FOXP2: variants seen among roughly 807,000 people sequenced by gnomAD.
The protein encoded by FOXP2 is forkhead box P2.
Under a neutral mutation model 115.8 loss-of-function variants are expected in FOXP2, and 12 were observed. The ratio of observed to expected loss-of-function variants is 0.10; its 90% confidence interval spans 0.07 to 0.17. The LOEUF (loss-of-function observed/expected upper bound fraction) is 0.17. Ranked by LOEUF, FOXP2 falls within the 10% of genes least tolerant of loss-of-function variation. The pLI is 1.00. For missense variants in FOXP2, 629 were observed against 843.5 expected (o/e 0.75, Z 3.15); for synonymous variants, 328 against 297.7 (o/e 1.10, Z -1.05).
chr7:114,357,523 C>T (rs1791644981), intron 2 of FOXP2, among the ~76,000 whole-genome samples: 1 of 152,106 alleles, frequency 6.6e-6, no homozygotes, highest in Non-Finnish European at 1.5e-5. Flanking sequence ...AAGGCTGTCT[C>T]CCTTTGGTGG....
At chr7:114,407,811 T>C (rs564782759) in intron 2 of FOXP2, among the ~76,000 whole-genome samples, 126 of 152,250 alleles carry the variant, frequency 8.3e-4, no homozygotes, top group African/African-American at 2.8e-3. Flanking sequence ...CTTCAGGACA[T>C]GATTGTTAAG....
At chr7:114,509,790 A>G (rs1797985225) in intron 2 of FOXP2, among the ~76,000 whole-genome samples, 1 of 152,028 alleles carries the variant, frequency 6.6e-6, no homozygotes, top group African/African-American at 2.4e-5. Flanking sequence ...CATGGGAGAC[A>G]TGGGAACTGT....
chr7:114,626,106 G>C (rs1804565504), intron 3 of FOXP2, among the ~76,000 whole-genome samples: 1 of 151,736 alleles, frequency 6.6e-6, no homozygotes, highest in African/African-American at 2.4e-5. Context: ...CTTAAGAAGA[G>C]AATGATTTCA....
At position 114,690,109 on chromosome 7, in the gene FOXP2, GT is replaced by G; in HGVS notation, c.*187del. The G allele has an allele frequency of 1.8e-6, 1 of 555,372 alleles. No homozygotes were observed. The highest frequency in any genetic ancestry group is 3.2e-6 in the Non-Finnish European group (1 of 311,810). The allele number at this position is 555,372 out of a possible 1,614,324, so 34.4% of individuals were successfully genotyped here. A position where few individuals can be genotyped will look rare whatever the true frequency, so the allele number is the denominator to read the frequency against. ...TTCAGTACCAACAGGCAAATTGCTT[GT>G]TTTCTTCTTCTTCTTCTTCTTTTTT... On this transcript the variant is annotated 3_prime_UTR_variant, in exon 17 of 17. Transcript: ENST00000350908.
chr7:114,583,758 T>C lies in FOXP2; in HGVS notation c.259-44782T>C, dbSNP rs184141745. On this transcript the variant is annotated intron_variant, in intron 3 of 16. Transcript: ENST00000350908. ...ATTGAGAGTATATTCCGTCCAAATATTTCTGTGACTTCTGAGCAAATAGTT... is the reference window on the plus strand; with the variant it reads ...ATTGAGAGTATATTCCGTCCAAATACTTCTGTGACTTCTGAGCAAATAGTT... Among the ~76,000 whole-genome samples the C allele has an allele frequency of 3.6e-4, 55 of 152,350 alleles. No homozygotes were observed. In the East Asian group the frequency reaches 6.4e-3, roughly 18 times the overall value.
intron 2 of FOXP2, among the ~76,000 whole-genome samples, chr7:114,525,838 G>A (rs1382851273): frequency 6.6e-5 from 10 of 152,044 alleles, no homozygotes; most frequent in African/African-American, 1.7e-4. Context: ...TTGGCCAGGC[G>A]TGGTGGCCCA....
At chr7:114,341,085 T>C (rs1791193636) in intron 2 of FOXP2, among the ~76,000 whole-genome samples, 1 of 151,200 alleles carries the variant, frequency 6.6e-6, no homozygotes, top group Non-Finnish European at 1.5e-5. Context: ...AAATTATTAC[T>C]TAGCACTGAA....
chr7:114,380,338 C>A lies in FOXP2; in HGVS notation c.-10-46164C>A, dbSNP rs917504137. ...TTTACCCATTTTCCTTCTCCTAATT[C>A]TAGTGCCCGAGTGAGGGCTATTAGT... On this transcript the variant is annotated intron_variant, in intron 2 of 17. Coordinates refer to the FOXP2 transcript ENST00000634411. Among the ~76,000 whole-genome samples, 3 of 152,208 alleles carry A rather than the reference C, an allele frequency of 2.0e-5. No individual in the cohort carries two copies. The East Asian group carries it at 5.8e-4, about 29-fold the overall frequency.
intron 12 of FOXP2, 28 bp from the exon 13 acceptor site, chr7:114,659,544 T>G (rs373834734): frequency 1.4e-5 from 23 of 1,600,232 alleles, no homozygotes; most frequent in Non-Finnish European, 2.0e-5. Flanking sequence ...CATTATTTTA[T>G]GTCACTATGT....
intron 1 of FOXP2, among the ~76,000 whole-genome samples, chr7:114,259,780 C>A (rs1011641354): frequency 2.6e-5 from 4 of 151,900 alleles, no homozygotes; most frequent in Non-Finnish European, 5.9e-5. Context: ...GCAATAAATT[C>A]TAAATTATCA....
At chr7:114,438,543 C>T (rs966299296) in intron 2 of FOXP2, among the ~76,000 whole-genome samples, 1 of 151,506 alleles carries the variant, frequency 6.6e-6, no homozygotes, top group African/African-American at 2.4e-5. Context: ...AAAATATATT[C>T]ATTATAACAA....
At chr7:114,161,501 GT>G (rs1405663891), upstream of FOXP2, among the ~76,000 whole-genome samples, 1 of 147,908 alleles carries the variant, frequency 6.8e-6, no homozygotes, top group African/African-American at 2.5e-5. Flanking sequence ...TGATATAGAT[GT>G]TTTTTGGCTT....
At chr7:114,094,309 T>C (rs1562962027) in intron 1 of FOXP2, among the ~76,000 whole-genome samples, 1 of 152,210 alleles carries the variant, frequency 6.6e-6, no homozygotes, top group Non-Finnish European at 1.5e-5. Flanking sequence ...CAGCCCTCCA[T>C]ATAACACCAC....
intron 16 of FOXP2, among the ~76,000 whole-genome samples, chr7:114,686,196 G>A (rs988516097): frequency 2.0e-5 from 3 of 146,862 alleles, no homozygotes; most frequent in Admixed American, 1.4e-4. Flanking sequence ...TTTTTGAGAT[G>A]GAGTCTCACT....
chr7:114,597,499 A>T (rs1478107554), intron 3 of FOXP2, among the ~76,000 whole-genome samples: 1 of 152,106 alleles, frequency 6.6e-6, no homozygotes, highest in Non-Finnish European at 1.5e-5. Flanking sequence ...AGATAATCTT[A>T]TGCAAAAGGA....
intron 2 of FOXP2, among the ~76,000 whole-genome samples, chr7:114,392,744 A>G (rs887552660): frequency 2.0e-5 from 3 of 152,226 alleles, no homozygotes; most frequent in Admixed American, 6.5e-5. Flanking sequence ...AAAAACTCAC[A>G]GAAGACTGAA....
At chr7:114,294,907 CATAT>C (rs1358073525) in intron 2 of FOXP2, among the ~76,000 whole-genome samples, 78 of 149,000 alleles carry the variant, frequency 5.2e-4, no homozygotes, top group African/African-American at 1.9e-3. Context: ...TGCATGCATG[CATAT>C]ATACATACAT....
intron 2 of FOXP2, among the ~76,000 whole-genome samples, chr7:114,486,103 A>C (rs1796760657): frequency 6.6e-6 from 1 of 152,126 alleles, no homozygotes; most frequent in Admixed American, 6.6e-5. Context: ...TTTATCAAAC[A>C]TGTCTGTATT....
intron 2 of FOXP2, among the ~76,000 whole-genome samples, chr7:114,533,960 T>C (rs1799257301): frequency 6.6e-6 from 1 of 151,922 alleles, no homozygotes; most frequent in African/African-American, 2.4e-5. Context: ...TCTATTTTGA[T>C]TGGTATTCTG....
Sources: allele counts gnomAD v4.1 joint callset (sites outside exome capture counted in the v4.1 genomes callset), GRCh38; gene constraint gnomAD v4.1.1; transcripts MANE v1.5; gene names NCBI Gene and HGNC (gene_info 2026-07-23, HGNC 2026-07-21).